Variants in TRDN observed in about 807,000 individuals in gnomAD.
TRDN encodes the protein triadin.
A neutral mutation model predicts 149.7 loss-of-function variants in TRDN; 161 were observed. The ratio of observed to expected loss-of-function variants is 1.08; its 90% CI spans 0.95 to 1.23. The LOEUF (loss-of-function observed/expected upper bound fraction) is 1.23. TRDN is among the 50% of genes most tolerant of loss of function. The pLI, the probability that TRDN is intolerant of heterozygous loss-of-function variation, is 0.00. For synonymous variants in TRDN, 294 were observed against 250.5 expected (o/e 1.17, Z -1.64); for missense variants, 896 against 823.5 (o/e 1.09, Z -1.08).
chr6:123,625,100 A>G (rs1404408291), intron 1 of TRDN, among the ~76,000 whole-genome samples: 1 of 151,410 alleles, frequency 6.6e-6, no homozygotes, highest in Non-Finnish European at 1.5e-5. Context: ...GCATTGATCA[A>G]ATGTACTCTT....
chr6:123,267,363 T>A (rs1203694808), intron 32 of TRDN, among the ~76,000 whole-genome samples: 1 of 152,088 alleles, frequency 6.6e-6, no homozygotes, highest in East Asian at 1.9e-4. Context: ...ATTTAACCTG[T>A]GTAATTTGAC....
At chr6:123,589,486 GA>G (rs911529210) in intron 1 of TRDN, among the ~76,000 whole-genome samples, 1 of 152,012 alleles carries the variant, frequency 6.6e-6, no homozygotes, top group Non-Finnish European at 1.5e-5. Context: ...TTTCAATTTG[GA>G]AAAAAATACT....
At chr6:123,454,146 A>G (rs1025793694) in intron 10 of TRDN, among the ~76,000 whole-genome samples, 1 of 151,818 alleles carries the variant, frequency 6.6e-6, no homozygotes, top group African/African-American at 2.4e-5. Flanking sequence ...TGGGAGGGGG[A>G]CGAGGGACAA....
At chr6:123,222,489 T>TA (rs1562216851) in intron 39 of TRDN, among the ~76,000 whole-genome samples, 6 of 13,738 alleles carry the variant, frequency 4.4e-4, no homozygotes, top group African/African-American at 1.0e-3. Context: ...TTAATTCAAT[T>TA]TAAAAAATAT....
chr6:123,390,744 T>C (rs771373578), intron 13 of TRDN, among the ~76,000 whole-genome samples: 17 of 152,148 alleles, frequency 1.1e-4, no homozygotes, highest in Non-Finnish European at 2.1e-4. Flanking sequence ...TACTTAACTC[T>C]GTTATGGGAT....
At chr6:123,443,769 A>C (rs942156040) in intron 10 of TRDN, among the ~76,000 whole-genome samples, 2 of 148,348 alleles carry the variant, frequency 1.3e-5, no homozygotes, top group African/African-American at 5.2e-5. Context: ...CCATTTATTA[A>C]ATAGGGAATC....
intron 21 of TRDN, chr6:123,351,457 G>A: frequency 4.1e-6 from 4 of 984,138 alleles, no homozygotes; most frequent in Non-Finnish European, 4.8e-6. Flanking sequence ...TCTTCAAAAA[G>A]AAACCAACAG....
In TRDN at chr6:123,631,499, G is replaced by A. The variant is rs75953752; in HGVS notation, c.22+5255C>T. ...ATTAAAAATGATTACTTCCTTGTCT[G>A]CTTTTACAAACATAAGTATATTTCC... On this transcript the variant is annotated intron_variant, in intron 1 of 40. Coordinates refer to ENST00000334268, the MANE Select transcript of TRDN (RefSeq NM_006073.4). Among the ~76,000 whole-genome samples the A allele has an allele frequency of 1.2e-3, 180 of 151,854 alleles. 1 individual carries two copies. The highest frequency in any genetic ancestry group is 4.2e-3 in the African/African-American group (176 of 41,498).
At chr6:123,256,541 G>T (rs1191510071) in intron 35 of TRDN, among the ~76,000 whole-genome samples, 1 of 152,068 alleles carries the variant, frequency 6.6e-6, no homozygotes, top group Non-Finnish European at 1.5e-5. Context: ...GTGTGAGATG[G>T]TATCTCAGTG....
intron 24 of TRDN, 104 bp from the exon 25 acceptor site, chr6:123,279,186 T>C (rs1777490384): frequency 3.4e-6 from 3 of 894,658 alleles, no homozygotes; most frequent in Non-Finnish European, 3.3e-6. Flanking sequence ...AATGAAACAA[T>C]GTAGACCCCA....
chr6:123,511,124 T>C (rs1056330368), intron 7 of TRDN, among the ~76,000 whole-genome samples: 1 of 152,186 alleles, frequency 6.6e-6, no homozygotes, highest in Non-Finnish European at 1.5e-5. Flanking sequence ...GTCTTACGTT[T>C]AAGTCTTTAA....
chr6:123,249,565 G>A (rs1009797089), intron 38 of TRDN, among the ~76,000 whole-genome samples: 1 of 152,088 alleles, frequency 6.6e-6, no homozygotes, highest in Non-Finnish European at 1.5e-5. Flanking sequence ...TAAAGAACAT[G>A]TAGTATTTAT....
chr6:123,539,141 T>A (rs1780696755), intron 4 of TRDN, among the ~76,000 whole-genome samples: 1 of 151,178 alleles, frequency 6.6e-6, no homozygotes, highest in Non-Finnish European at 1.5e-5. Flanking sequence ...AAGGAAATTT[T>A]TAGAGATCTA....
intron 4 of TRDN, among the ~76,000 whole-genome samples, chr6:123,531,380 T>C (rs963455335): frequency 2.0e-5 from 3 of 152,082 alleles, no homozygotes; most frequent in African/African-American, 7.2e-5. Context: ...TGGTCTGAGA[T>C]GGTGTTAATT....
chr6:123,236,397 C>G (rs1775788422), intron 38 of TRDN, among the ~76,000 whole-genome samples: 1 of 152,110 alleles, frequency 6.6e-6, no homozygotes, highest in South Asian at 2.1e-4. Context: ...GTAAAAAACA[C>G]AAGGCCTTTG....
intron 1 of TRDN, among the ~76,000 whole-genome samples, chr6:123,629,304 C>T (rs762754661): frequency 6.6e-6 from 1 of 152,144 alleles, no homozygotes; most frequent in African/African-American, 2.4e-5. Context: ...CTCACATCCA[C>T]GAGCTCACTA....
At chr6:123,484,524 C>T (rs1408808637) in intron 9 of TRDN, among the ~76,000 whole-genome samples, 1 of 152,062 alleles carries the variant, frequency 6.6e-6, no homozygotes, top group African/African-American at 2.4e-5. Flanking sequence ...CCTTAATTTT[C>T]CTTGTTTCTC....
intron 2 of TRDN, among the ~76,000 whole-genome samples, chr6:123,559,664 C>T (rs184369074): frequency 5.4e-4 from 82 of 152,230 alleles, no homozygotes; most frequent in African/African-American, 1.8e-3. Context: ...TGTTATCTCT[C>T]GCCTGCTACA....
intron 7 of TRDN, among the ~76,000 whole-genome samples, chr6:123,505,125 T>G (rs1778860646): frequency 1.3e-5 from 2 of 150,958 alleles, no homozygotes; most frequent in African/African-American, 2.4e-5. Context: ...ATGCCTGTAA[T>G]CCCAGCTACT....
Sources: allele counts gnomAD v4.1 joint callset (sites outside exome capture counted in the v4.1 genomes callset), GRCh38; gene constraint gnomAD v4.1.1; transcripts MANE v1.5; gene names NCBI Gene and HGNC (gene_info 2026-07-23, HGNC 2026-07-21).